WDFY1: variants seen among roughly 807,000 people sequenced by gnomAD.
WDFY1 encodes WD repeat and FYVE domain containing 1.
In WDFY1, 32 loss-of-function variants were observed where a neutral mutation model predicts 56.4. The ratio of observed to expected loss-of-function variants is 0.57; its 90% CI spans 0.43 to 0.76. The LOEUF (loss-of-function observed/expected upper bound fraction) is 0.76, where lower values mean the gene tolerates loss of function less well. WDFY1 is among the 30% of genes least tolerant of loss of function. The pLI is 0.00. For missense variants in WDFY1, 480 were observed against 545.7 expected (o/e 0.88, Z 1.20); for synonymous variants, 192 against 197.3 (o/e 0.97, Z 0.23).
intron 3 of WDFY1, among the ~76,000 whole-genome samples, chr2:223,909,414 C>T (rs1693655972): frequency 6.6e-6 from 1 of 152,090 alleles, no homozygotes; most frequent in African/African-American, 2.4e-5. Context: ...CAGGTCTGGG[C>T]CCTGACTTCT....
chr2:223,941,752 T>C (rs2106106950), intron 1 of WDFY1, among the ~76,000 whole-genome samples: 1 of 152,346 alleles, frequency 6.6e-6, no homozygotes, highest in African/African-American at 2.4e-5. Flanking sequence ...TTGACCCCTG[T>C]TGTGTCCTCA....
intron 7 of WDFY1, 53 bp downstream of exon 7, chr2:223,895,451 C>T (rs200858861): frequency 1.8e-5 from 29 of 1,612,600 alleles, no homozygotes; most frequent in Non-Finnish European, 2.4e-5. Context: ...ATGCCTTTCA[C>T]TAGCTCCCCA....
chr2:223,939,707 T>A (rs1448178187), intron 1 of WDFY1, among the ~76,000 whole-genome samples: 1 of 152,212 alleles, frequency 6.6e-6, no homozygotes, highest in Non-Finnish European at 1.5e-5. Context: ...ACTGCCCTCA[T>A]GATTCAATTA....
chr2:223,929,115 T>A (rs1694032970), intron 1 of WDFY1, among the ~76,000 whole-genome samples: 1 of 151,472 alleles, frequency 6.6e-6, no homozygotes, highest in Non-Finnish European at 1.5e-5. Flanking sequence ...CTGAAAGTTA[T>A]AAGGCAATAA....
At chr2:223,880,521 C>T (rs1428998905) in intron 10 of WDFY1, among the ~76,000 whole-genome samples, 1 of 150,910 alleles carries the variant, frequency 6.6e-6, no homozygotes, top group African/African-American at 2.4e-5. Flanking sequence ...GCAGGAGAAT[C>T]GCTTGAACCT....
chr2:223,894,514 A>G (rs185604067), intron 7 of WDFY1, 175 bp from the exon 8 acceptor site: 8 of 615,722 alleles, frequency 1.3e-5, no homozygotes, highest in East Asian at 1.1e-4. Context: ...TTTATAACTC[A>G]TAATACAGAA....
At chr2:223,887,027 G>A (rs1037039162) in intron 8 of WDFY1, among the ~76,000 whole-genome samples, 1 of 152,184 alleles carries the variant, frequency 6.6e-6, no homozygotes. Context: ...GGCTGAGATA[G>A]AAGAAAGGTT....
intron 3 of WDFY1, among the ~76,000 whole-genome samples, chr2:223,910,804 G>A (rs1408084221): frequency 6.6e-6 from 1 of 152,134 alleles, no homozygotes; most frequent in East Asian, 1.9e-4. Context: ...GAAACCTTGC[G>A]TGTTGCTGGT....
At chr2:223,926,233 G>C (rs1276106623) in intron 1 of WDFY1, among the ~76,000 whole-genome samples, 1 of 152,128 alleles carries the variant, frequency 6.6e-6, no homozygotes, top group Admixed American at 6.6e-5. Flanking sequence ...TGCAACCTAT[G>C]CTTCCCAGGC....
intron 5 of WDFY1, 174 bp from the exon 6 acceptor site, chr2:223,899,244 C>T (rs916580460): frequency 1.9e-6 from 1 of 529,734 alleles, no homozygotes; most frequent in African/African-American, 1.9e-5. Context: ...GAAAAGCATG[C>T]AATATGTAAA....
In WDFY1 at chr2:223,879,442, G is replaced by A. The variant is rs527335454; in HGVS notation, c.1173+682C>T. Among the ~76,000 whole-genome samples, 3 of 152,144 alleles carry A rather than the reference G, an allele frequency of 2.0e-5. 1 individual carries two copies. Among genetic ancestry groups the A allele is most frequent in the African/African-American group, 7.2e-5 (3 of 41,520 alleles). ...AGCCTGAGATGGGAGGATCGCTTGAGCCGAGGAGTTTGAGACCAGCCTGGG... is the reference window on the plus strand; with the variant it reads ...AGCCTGAGATGGGAGGATCGCTTGAACCGAGGAGTTTGAGACCAGCCTGGG... On this transcript the variant is annotated intron_variant, in intron 11 of 11. Coordinates refer to ENST00000233055, the MANE Select transcript of WDFY1 (RefSeq NM_020830.5).
At chr2:223,922,167 C>T (rs1288933391) in intron 1 of WDFY1, among the ~76,000 whole-genome samples, 1 of 152,168 alleles carries the variant, frequency 6.6e-6, no homozygotes, top group Non-Finnish European at 1.5e-5. Context: ...CACCTTCCTC[C>T]CCACCCTACC....
intron 6 of WDFY1, 74 bp from the exon 7 acceptor site, chr2:223,895,704 A>T (rs1298940921): frequency 4.5e-6 from 7 of 1,566,162 alleles, no homozygotes; most frequent in Non-Finnish European, 6.0e-6. Context: ...CAGGACGTAT[A>T]CATTTGACAG....
rs768741744 is a variant in WDFY1 at position 223,912,240 on chromosome 2, A to G, written c.279+13T>C. 36 of 1,603,220 alleles carry G rather than the reference A, an allele frequency of 2.2e-5. No homozygotes were observed. Among genetic ancestry groups the G allele is most frequent in the Non-Finnish European group, 3.1e-5 (36 of 1,176,942 alleles). On this transcript the variant is annotated intron_variant, in intron 3 of 11. Transcript: ENST00000233055. Reference sequence around the variant, plus strand: ...ATAAAGAATACAATAAATACATTCTAAAAGCTACCTACCATTACAGCTCCA... The same window carrying G: ...ATAAAGAATACAATAAATACATTCTGAAAGCTACCTACCATTACAGCTCCA...
intron 9 of WDFY1, among the ~76,000 whole-genome samples, chr2:223,883,231 C>A (rs887514029): frequency 1.3e-5 from 2 of 152,054 alleles, no homozygotes; most frequent in African/African-American, 4.8e-5. Context: ...AAACTAATGC[C>A]CATAATCATG....
chr2:223,879,631 G>A (rs977292190), intron 11 of WDFY1, among the ~76,000 whole-genome samples: 2 of 151,632 alleles, frequency 1.3e-5, no homozygotes, highest in African/African-American at 2.4e-5. Flanking sequence ...CTGCACTCCA[G>A]CCTGGACAAC....
chr2:223,940,281 T>C (rs1689278323), intron 1 of WDFY1, among the ~76,000 whole-genome samples: 1 of 152,100 alleles, frequency 6.6e-6, no homozygotes, highest in South Asian at 2.1e-4. Context: ...ATCATGCCAC[T>C]GTGATGCATG....
intron 2 of WDFY1, among the ~76,000 whole-genome samples, 165 bp downstream of exon 2, chr2:223,917,778 G>A (rs1040908911): frequency 5.9e-5 from 9 of 152,096 alleles, no homozygotes; most frequent in African/African-American, 2.2e-4. Context: ...CACCATGTTG[G>A]TCAGTCTGGT....
Position 223,878,677 on chromosome 2 carries a change from CGG to C in WDFY1, c.1225_1226del (p.Pro409AlafsTer4). The C allele has an allele frequency of 6.2e-7, 1 of 1,613,728 alleles. No individual in the cohort carries two copies. The highest frequency in any genetic ancestry group is 8.5e-7 in the Non-Finnish European group (1 of 1,179,662). On this transcript the variant is annotated frameshift_variant, in exon 12 of 12. Transcript: ENST00000233055. LOFTEE classifies it high-confidence loss of function. ...VGCSLATGFS[P>X]H ...ACGCCGCCCAGCTCTCAGATCAGTG[CGG>C]AGAAAACCCAGTCGCCAGACTGCAG...
Sources: allele counts gnomAD v4.1 joint callset (sites outside exome capture counted in the v4.1 genomes callset), GRCh38; gene constraint gnomAD v4.1.1; transcripts MANE v1.5; gene names NCBI Gene and HGNC (gene_info 2026-07-23, HGNC 2026-07-21).